Variants in NBR1 observed in about 807,000 individuals in gnomAD.
NBR1 encodes the protein NBR1 autophagy cargo receptor, also known as next to BRCA1 gene 1 protein.
Under a neutral mutation model 115.5 loss-of-function variants are expected in NBR1, and 59 were observed. The observed-to-expected ratio is 0.51, with a 90% CI of 0.41 to 0.63. NBR1 has a LOEUF of 0.63. Among genes scored for constraint, NBR1 ranks in the 30% least tolerant of loss-of-function variants. The probability of loss-of-function intolerance (pLI) is 0.00; values close to 1 mark genes in which losing one functional copy is unlikely to be tolerated. For missense variants in NBR1, 1,043 were observed against 1,150.5 expected (o/e 0.91, Z 1.35); for synonymous variants, 373 against 414.7 (o/e 0.90, Z 1.22).
At chr17:43,175,053 C>T (rs1250488207) in intron 1 of NBR1, among the ~76,000 whole-genome samples, 1 of 151,904 alleles carries the variant, frequency 6.6e-6, no homozygotes, top group Non-Finnish European at 1.5e-5. Context: ...GAGCTGAGAT[C>T]GTGCCACTGC....
intron 8 of NBR1, 182 bp from the exon 9 acceptor site, chr17:43,190,426 TG>T (rs1384270432): frequency 3.2e-6 from 2 of 619,388 alleles, no homozygotes; most frequent in African/African-American, 3.7e-5. Context: ...AAAATGGATA[TG>T]GGTTAAGTGT....
Position 43,210,745 on chromosome 17 carries a change from A to G in NBR1, c.*671A>G, listed in dbSNP as rs2057402549. The G allele has an allele frequency of 2.5e-6, 1 of 398,366 alleles. No homozygotes were observed. The highest frequency in any genetic ancestry group is 3.6e-5 in the East Asian group (1 of 28,058). 24.7% of individuals were successfully genotyped at this position (398,366 alleles called of 1,614,324 possible). A position where few individuals can be genotyped will look rare whatever the true frequency, so the allele number is the denominator to read the frequency against. ...GGAAGAGTGTGCTGATAAACCTACCAGCACCTATTGAGCAATGTCTATTAT... is the reference window on the plus strand; with the variant it reads ...GGAAGAGTGTGCTGATAAACCTACCGGCACCTATTGAGCAATGTCTATTAT... On this transcript the variant is annotated 3_prime_UTR_variant, in exon 21 of 21. Coordinates refer to ENST00000590996, the MANE Select transcript of NBR1 (RefSeq NM_005899.5).
intron 20 of NBR1, among the ~76,000 whole-genome samples, chr17:43,204,676 G>C (rs924953212): frequency 1.3e-5 from 2 of 151,556 alleles, no homozygotes; most frequent in Non-Finnish European, 2.9e-5. Context: ...TTAGCTGGGC[G>C]TGGTGGCAGG....
intron 13 of NBR1, 140 bp downstream of exon 13, chr17:43,194,639 T>G (rs2154582245): frequency 4.9e-4 from 374 of 770,278 alleles, no homozygotes; most frequent in Non-Finnish European, 7.2e-4. Context: ...GGGAAGGAGA[T>G]CACCCATGGA....
chr17:43,201,957 A>G (rs970505937), intron 18 of NBR1, among the ~76,000 whole-genome samples, 177 bp downstream of exon 18: 1 of 151,922 alleles, frequency 6.6e-6, no homozygotes, highest in African/African-American at 2.4e-5. Flanking sequence ...AGGCAGGCGG[A>G]TCATAGGGTC....
At chr17:43,192,744 C>T (rs1352687302) in intron 10 of NBR1, among the ~76,000 whole-genome samples, 3 of 152,032 alleles carry the variant, frequency 2.0e-5, no homozygotes, top group Admixed American at 1.3e-4. Context: ...TTCAAAATGG[C>T]GGGGTCCCTC....
At chr17:43,183,128 A>T (rs1037502952) in intron 5 of NBR1, among the ~76,000 whole-genome samples, 4 of 151,332 alleles carry the variant, frequency 2.6e-5, no homozygotes, top group Admixed American at 6.6e-5. Context: ...TCTAGGCTTA[A>T]GCAACCCATC....
intron 5 of NBR1, among the ~76,000 whole-genome samples, chr17:43,181,672 A>C (rs1415546817): frequency 3.4e-5 from 5 of 147,452 alleles, no homozygotes; most frequent in Non-Finnish European, 7.5e-5. Context: ...TCAAAACAAA[A>C]AAAACAAACA....
intron 20 of NBR1, among the ~76,000 whole-genome samples, chr17:43,205,803 G>A (rs1009790206): frequency 1.6e-4 from 24 of 150,584 alleles, no homozygotes; most frequent in African/African-American, 5.9e-4. Context: ...ACTTCAGCCC[G>A]GGAGGCAGAG....
Position 43,197,106 on chromosome 17 carries a change from A to G in NBR1, c.2026A>G (p.Met676Val). 1 of 1,613,708 alleles carries G rather than the reference A, an allele frequency of 6.2e-7. No homozygotes were observed. The highest frequency in any genetic ancestry group is 8.5e-7 in the Non-Finnish European group (1 of 1,179,746). ...NPPCRQKSLQ[M>V]TFALPEGPLG... Reference sequence around the variant, plus strand: ...TCCTTGCAGACAGAAGTCCTTGCAGAGTGAGTGTCCTTGCATTTCCCCTAC... The same window carrying G: ...TCCTTGCAGACAGAAGTCCTTGCAGGGTGAGTGTCCTTGCATTTCCCCTAC... The change falls in exon 16 of 21, where the codon ATG (methionine) becomes GTG (valine). Residue 676 changes from methionine to valine, a missense_variant and splice_region_variant. Met to Val is a conservative substitution (Grantham distance 21). Transcript: ENST00000590996.
intron 20 of NBR1, 151 bp from the exon 21 acceptor site, chr17:43,209,750 A>T: frequency 4.0e-6 from 6 of 1,504,996 alleles, no homozygotes; most frequent in Non-Finnish European, 5.3e-6. Flanking sequence ...TCAAGTACAC[A>T]GGAGTGCCAT....
chr17:43,203,938 CTTTT>C (rs35909706), intron 20 of NBR1, among the ~76,000 whole-genome samples, 152 bp downstream of exon 20: 1 of 139,846 alleles, frequency 7.2e-6, no homozygotes. Context: ...AACTCTGCCA[CTTTT>C]TTTTTTTTTT....
chr17:43,179,005 C>T lies in NBR1; in HGVS notation c.166-389C>T, dbSNP rs141997469. ...GCTTTATTGAGTGGTTACAGTGTGT[C>T]AGACTAGCCACAGTACCATGTATTG... On this transcript the variant is annotated intron_variant, in intron 3 of 20. Transcript: ENST00000590996. 3.9e-3 allele frequency among the ~76,000 whole-genome samples: 601 copies of T among 152,234 alleles called. 5 individuals carry two copies. The highest frequency in any genetic ancestry group is 0.014 in the African/African-American group (578 of 41,542).
chr17:43,182,531 T>G (rs2154582032), intron 5 of NBR1, among the ~76,000 whole-genome samples: 1 of 151,824 alleles, frequency 6.6e-6, no homozygotes, highest in Non-Finnish European at 1.5e-5. Context: ...TATGTCACTC[T>G]GTTCTCTATA....
intron 5 of NBR1, among the ~76,000 whole-genome samples, chr17:43,182,738 C>T (rs1215581992): frequency 1.3e-5 from 2 of 151,606 alleles, no homozygotes; most frequent in Non-Finnish European, 2.9e-5. Context: ...CATCCATCAC[C>T]TCAGATGTAG....
chr17:43,173,269 C>T (rs1287720882), intron 1 of NBR1, among the ~76,000 whole-genome samples: 2 of 152,048 alleles, frequency 1.3e-5, no homozygotes, highest in Non-Finnish European at 2.9e-5. Context: ...CAGCATCAGC[C>T]ACCACACCCG....
At chr17:43,187,502 C>CTTT (rs71160025) in intron 6 of NBR1, among the ~76,000 whole-genome samples, 778 of 68,808 alleles carry the variant, frequency 0.011, 9 homozygotes, top group Non-Finnish European at 0.014. Flanking sequence ...TATTTCCTGA[C>CTTT]TTTTTTTTTT....
In NBR1 at chr17:43,195,049, T is replaced by C. The variant is rs377335955; in HGVS notation, c.1750+10T>C. On this transcript the variant is annotated intron_variant, in intron 14 of 20. Transcript: ENST00000590996. ...CACAACACCCCTGTGGGTAAGAATGTCACTCATTTCATCTTGTTCGTCTTA... is the reference window on the plus strand; with the variant it reads ...CACAACACCCCTGTGGGTAAGAATGCCACTCATTTCATCTTGTTCGTCTTA... The C allele has an allele frequency of 5.2e-4, 841 of 1,607,806 alleles. No individual in the cohort carries two copies. Among genetic ancestry groups the C allele is most frequent in the Middle Eastern group, 8.3e-4 (5 of 6,060 alleles).
intron 2 of NBR1, among the ~76,000 whole-genome samples, chr17:43,177,165 C>T (rs1257550161): frequency 6.6e-6 from 1 of 151,210 alleles, no homozygotes; most frequent in Non-Finnish European, 1.5e-5. Context: ...TCCAGCTACT[C>T]CGGAGGTTGA....
Sources: allele counts gnomAD v4.1 joint callset (sites outside exome capture counted in the v4.1 genomes callset), GRCh38; gene constraint gnomAD v4.1.1; transcripts MANE v1.5; gene names NCBI Gene and HGNC (gene_info 2026-07-23, HGNC 2026-07-21).